FERMT2: variants seen among roughly 807,000 people sequenced by gnomAD.
FERMT2 encodes the protein fermitin family homolog 2.
A neutral mutation model predicts 82.7 loss-of-function variants in FERMT2; 15 were observed. The ratio of observed to expected loss-of-function variants is 0.18; its 90% CI spans 0.12 to 0.28. The LOEUF (loss-of-function observed/expected upper bound fraction) is 0.28, where lower values mean the gene tolerates loss of function less well. FERMT2 is among the 10% of genes least tolerant of loss of function. FERMT2 has a pLI of 1.00. For synonymous variants in FERMT2, 274 were observed against 271.5 expected (o/e 1.01, Z -0.09); for missense variants, 645 against 809.4 (o/e 0.80, Z 2.46).
intron 2 of FERMT2, among the ~76,000 whole-genome samples, chr14:52,944,930 T>C (rs1357607263): frequency 6.6e-6 from 1 of 152,134 alleles, no homozygotes. Context: ...GACAGAGTCT[T>C]GCTCTGTTGC....
rs756829780 is a variant in FERMT2 at position 52,859,722 on chromosome 14, A to G, written c.1728-8T>C. The G allele has an allele frequency of 1.9e-6, 3 of 1,549,302 alleles. No homozygotes were observed. In the East Asian group the frequency reaches 6.9e-5, roughly 36 times the overall value. ...TTTTTGCCCCCTTGGAACCTATAAC[A>G]TTTAAGAAAAGAACGGTTAAAAACA... is the stretch of plus-strand genomic sequence containing the variant. On this transcript the variant is annotated splice_region_variant and splice_polypyrimidine_tract_variant and intron_variant, in intron 13 of 14. Coordinates refer to ENST00000341590, the MANE Select transcript of FERMT2 (RefSeq NM_006832.3).
rs369375173 is a variant in FERMT2 at position 52,936,724 on chromosome 14, TC to T, written c.157+13687del. ...TTTTTTGCCTGGCTAATTCCTACTC[TC>T]AGATCTCAGCTTAAAAGTCATTTCC... On this transcript the variant is annotated intron_variant, in intron 2 of 14. Coordinates refer to ENST00000341590, the MANE Select transcript of FERMT2 (RefSeq NM_006832.3). Among the ~76,000 whole-genome samples the T allele has an allele frequency of 9.2e-5, 14 of 152,256 alleles. No individual in the cohort carries two copies. In the East Asian group the frequency reaches 2.5e-3, roughly 27 times the overall value.
At chr14:52,889,623 T>C (rs1346552778) in intron 4 of FERMT2, among the ~76,000 whole-genome samples, 1 of 152,152 alleles carries the variant, frequency 6.6e-6, no homozygotes, top group Admixed American at 6.5e-5. Flanking sequence ...CGTTAAGGGA[T>C]TTCACTGTTG....
chr14:52,858,428 G>A lies in FERMT2; in HGVS notation c.1992C>T (p.Asn664=), dbSNP rs750406753. ...IFLSTRAKDQ[N]ESLDEEMFYK... is the part of the protein sequence containing the mutation. Reference sequence around the variant, plus strand: ...AGAACATCTCTTCATCTAAACTCTCGTTTTGGTCTTTTGCACGTGTTGAGA... The same window carrying A: ...AGAACATCTCTTCATCTAAACTCTCATTTTGGTCTTTTGCACGTGTTGAGA... Residue 664 remains asparagine (N), a synonymous_variant, in exon 15 of 15, where the codon AAC becomes AAT. Coordinates refer to ENST00000341590, the MANE Select transcript of FERMT2 (RefSeq NM_006832.3). 5 of 1,613,946 alleles carry A rather than the reference G, an allele frequency of 3.1e-6. No individual in the cohort carries two copies. The highest frequency in any genetic ancestry group is 1.1e-5 in the South Asian group (1 of 91,080).
At chr14:52,925,912 G>T (rs1274556525) in intron 2 of FERMT2, among the ~76,000 whole-genome samples, 1 of 152,114 alleles carries the variant, frequency 6.6e-6, no homozygotes, top group Non-Finnish European at 1.5e-5. Context: ...CCAAAGTGCT[G>T]GGATTACAGG....
intron 4 of FERMT2, among the ~76,000 whole-genome samples, chr14:52,884,766 C>G (rs1417819516): frequency 6.6e-6 from 1 of 151,712 alleles, no homozygotes; most frequent in Admixed American, 6.6e-5. Context: ...TTTGGGAGGC[C>G]GAGGCAGGCA....
rs149805158 is a variant in FERMT2 at position 52,860,162 on chromosome 14, A to AT, written c.1727+178dup. On this transcript the variant is annotated intron_variant, in intron 13 of 14. Coordinates refer to ENST00000341590, the MANE Select transcript of FERMT2 (RefSeq NM_006832.3). ...AGTAAAACAAACACAATTATCTTGAATTTTTAATGTAGAAATTAAAAGCTT... is the reference window on the plus strand; with the variant it reads ...AGTAAAACAAACACAATTATCTTGAATTTTTTAATGTAGAAATTAAAAGCTT... The AT allele has an allele frequency of 8.5e-3, 4,849 of 568,424 alleles. 188 individuals are homozygous for AT. The highest frequency in any genetic ancestry group is 0.085 in the African/African-American group (4,405 of 51,770). The allele number at this position is 568,424 out of a possible 1,614,324, so 35.2% of individuals were successfully genotyped here.
At chr14:52,924,034 G>A (rs1371271130) in intron 2 of FERMT2, among the ~76,000 whole-genome samples, 2 of 152,200 alleles carry the variant, frequency 1.3e-5, no homozygotes, top group African/African-American at 2.4e-5. Flanking sequence ...ACTACTTGCA[G>A]AGTAATCACT....
At chr14:52,917,486 T>C (rs767672765) in intron 3 of FERMT2, among the ~76,000 whole-genome samples, 23 of 152,190 alleles carry the variant, frequency 1.5e-4, no homozygotes, top group Non-Finnish European at 2.6e-4. Flanking sequence ...GGGAATTTGG[T>C]ATTCTTTGTA....
At chr14:52,922,391 G>T (rs1889006527) in intron 2 of FERMT2, among the ~76,000 whole-genome samples, 1 of 152,138 alleles carries the variant, frequency 6.6e-6, no homozygotes, top group African/African-American at 2.4e-5. Context: ...AGCATGTTGG[G>T]GATCTGCCCA....
At chr14:52,921,941 G>T (rs553968852) in intron 2 of FERMT2, among the ~76,000 whole-genome samples, 1 of 152,122 alleles carries the variant, frequency 6.6e-6, no homozygotes. Flanking sequence ...ACCCACTAAG[G>T]AAGCTCCATC....
chr14:52,906,155 G>A (rs1229154928), intron 3 of FERMT2, among the ~76,000 whole-genome samples: 1 of 152,144 alleles, frequency 6.6e-6, no homozygotes, highest in Non-Finnish European at 1.5e-5. Flanking sequence ...ATGGCATTCA[G>A]GGATGACAAG....
At chr14:52,926,147 T>TTC (rs1555372837) in intron 2 of FERMT2, among the ~76,000 whole-genome samples, 8 of 135,676 alleles carry the variant, frequency 5.9e-5, no homozygotes, top group Middle Eastern at 3.5e-3. Context: ...TATGATGACT[T>TTC]TAAAATACTT....
chr14:52,891,302 T>C (rs542337042), intron 4 of FERMT2, among the ~76,000 whole-genome samples: 4 of 152,348 alleles, frequency 2.6e-5, no homozygotes, highest in South Asian at 2.1e-4. Context: ...TGTTTGGAAT[T>C]GTTTTCTGAA....
At chr14:52,948,493 T>C (rs1692021464) in intron 2 of FERMT2, 1 of 432,662 alleles carries the variant, frequency 2.3e-6, no homozygotes, top group Admixed American at 2.8e-5. Flanking sequence ...GAATTCAAAA[T>C]ATAAGAGGAA....
intron 7 of FERMT2, 71 bp downstream of exon 7, chr14:52,878,511 C>T: frequency 2.2e-6 from 2 of 927,634 alleles, no homozygotes; most frequent in African/African-American, 1.7e-5. Flanking sequence ...ATTACTATTC[C>T]ACTTTACTGT....
At chr14:52,873,964 T>A (rs76010832) in intron 9 of FERMT2, among the ~76,000 whole-genome samples, 3 of 150,554 alleles carry the variant, frequency 2.0e-5, no homozygotes, top group Admixed American at 6.6e-5. Flanking sequence ...TTTTTTTTTT[T>A]AAAGAAAAAT....
chr14:52,882,867 T>C (rs1173526250), intron 4 of FERMT2, among the ~76,000 whole-genome samples: 1 of 152,154 alleles, frequency 6.6e-6, no homozygotes, highest in East Asian at 1.9e-4. Flanking sequence ...TTTATGTCCC[T>C]GACATGTGTT....
chr14:52,872,463 G>A (rs1885686335), intron 10 of FERMT2, among the ~76,000 whole-genome samples: 1 of 152,120 alleles, frequency 6.6e-6, no homozygotes, highest in Non-Finnish European at 1.5e-5. Flanking sequence ...GAACCCGGGA[G>A]GCAGAAGTAA....
Sources: gnomAD v4.1 joint callset for allele counts (sites outside exome capture counted in the v4.1 genomes callset) on GRCh38, gnomAD v4.1.1 for gene constraint, MANE v1.5 for transcripts, NCBI Gene and HGNC (gene_info 2026-07-23, HGNC 2026-07-21) for gene names.